NNT: variants seen among roughly 807,000 people sequenced by gnomAD.
The protein encoded by NNT is NAD(P) transhydrogenase, mitochondrial.
In NNT, 50 loss-of-function variants were observed where a neutral mutation model predicts 104.8. That is an observed-to-expected ratio of 0.48 (90% CI 0.38 to 0.60). The LOEUF is 0.60. Ranked by LOEUF, NNT falls within the 20% of genes least tolerant of loss-of-function variation. The pLI is 0.00. For synonymous variants in NNT, 461 were observed against 490.4 expected (o/e 0.94, Z 0.79); for missense variants, 1,131 against 1,330.7 (o/e 0.85, Z 2.33).
intron 1 of NNT, among the ~76,000 whole-genome samples, chr5:43,608,458 G>A (rs562799343): frequency 4.4e-4 from 67 of 152,288 alleles, no homozygotes; most frequent in Non-Finnish European, 6.2e-4. Flanking sequence ...CATAGTTATG[G>A]CCACATCAGC....
chr5:43,685,660 T>G (rs1741950182), intron 19 of NNT, among the ~76,000 whole-genome samples: 1 of 152,180 alleles, frequency 6.6e-6, no homozygotes. Context: ...AGTTTATTGC[T>G]GAACTAGGTC....
In NNT at chr5:43,653,129, C is replaced by T. The variant is rs781483983; in HGVS notation, c.1975C>T (p.Leu659=). Residue 659 remains leucine, a synonymous_variant, in exon 14 of 22, where the codon CTG becomes TTG. Transcript: ENST00000344920. The part of the protein sequence containing the change: ...ALGMIGVAGG[L]AATLGVLKPG... ...GGGCATGATTGGGGTTGCTGGAGGA[C>T]TGGCAGCCACCCTCGGAGTCCTAAA... 3 of 1,614,142 alleles carry T rather than the reference C, an allele frequency of 1.9e-6. No individual in the cohort carries two copies. In the East Asian group the frequency reaches 6.7e-5, roughly 36 times the overall value.
chr5:43,649,300 C>A lies in NNT; in HGVS notation c.1598C>A (p.Ala533Glu). 6.2e-7 allele frequency: 1 copy of A among 1,614,054 alleles called. No homozygotes were observed. Among genetic ancestry groups the A allele is most frequent in the Non-Finnish European group, 8.5e-7 (1 of 1,179,952 alleles). ...TCACCACTGATGTCTGTGACAAATG[C>A]AATCTCAGGTTTGTTCCTCTCTTGT... Reference protein sequence around the residue: ...LHSPLMSVTNAISGLTAVGGL... With the variant: ...LHSPLMSVTNEISGLTAVGGL... Residue 533 changes from alanine to glutamate, a missense_variant, in exon 11 of 22, where the codon GCA (alanine) becomes GAA (glutamate). By Grantham distance (107) the Ala-to-Glu change is moderately radical (BLOSUM62 -1). Coordinates refer to ENST00000344920, the MANE Select transcript of NNT (RefSeq NM_182977.3).
chr5:43,647,841 T>C (rs950781080), intron 10 of NNT: 11 of 452,974 alleles, frequency 2.4e-5, no homozygotes, highest in Non-Finnish European at 4.9e-5. Context: ...CTCCTAGGCA[T>C]TGTGCTAAAT....
chr5:43,623,916 T>G, intron 5 of NNT, 116 bp from the exon 6 acceptor site: 1 of 919,116 alleles, frequency 1.1e-6, no homozygotes, highest in Admixed American at 1.7e-5. Context: ...ATTATCACCA[T>G]CTGCACCGCC....
rs1310132921 is a variant in NNT at position 43,697,371 on chromosome 5, G to T, written c.2877-2748G>T. ...AGACCACCTCAGCCTGGATTTCATT[G>T]TCCATAACGTTATCAGCATTTTGAT... On this transcript the variant is annotated intron_variant, in intron 19 of 21. Coordinates refer to ENST00000344920, the MANE Select transcript of NNT (RefSeq NM_182977.3). 2.6e-5 allele frequency among the ~76,000 whole-genome samples: 4 copies of T among 152,200 alleles called. No homozygotes were observed. The East Asian group carries it at 7.7e-4, about 29-fold the overall frequency.
intron 17 of NNT, among the ~76,000 whole-genome samples, chr5:43,673,950 G>C (rs186252123): frequency 2.2e-3 from 338 of 151,800 alleles, no homozygotes; most frequent in African/African-American, 7.8e-3. Flanking sequence ...AACCCAGGAG[G>C]CGGAGGTTGC....
At chr5:43,700,276 A>G (rs982835719) in intron 20 of NNT, 39 bp downstream of exon 20, 10 of 1,440,504 alleles carry the variant, frequency 6.9e-6, no homozygotes, top group East Asian at 2.3e-5. Flanking sequence ...AAATATTCTT[A>G]CTATGAATAA....
At chr5:43,626,632 T>A (rs756302099) in intron 6 of NNT, among the ~76,000 whole-genome samples, 1 of 151,970 alleles carries the variant, frequency 6.6e-6, no homozygotes, top group Non-Finnish European at 1.5e-5. Flanking sequence ...TATTCATTAT[T>A]GAAAAATAGA....
intron 17 of NNT, among the ~76,000 whole-genome samples, chr5:43,663,153 G>T (rs1309274754): frequency 6.6e-6 from 1 of 151,940 alleles, no homozygotes; most frequent in Non-Finnish European, 1.5e-5. Context: ...ATAGCAAACA[G>T]ATATTACCAT....
At chr5:43,625,207 A>G (rs1279797389) in intron 6 of NNT, among the ~76,000 whole-genome samples, 1 of 151,996 alleles carries the variant, frequency 6.6e-6, no homozygotes. Flanking sequence ...GGACAGTAGT[A>G]TTAAAATGGA....
At chr5:43,666,461 G>A (rs899927462) in intron 17 of NNT, among the ~76,000 whole-genome samples, 1 of 152,128 alleles carries the variant, frequency 6.6e-6, no homozygotes, top group East Asian at 1.9e-4. Flanking sequence ...GCGTGGCAGC[G>A]CGCGCCTGCA....
chr5:43,603,074 C>G (rs1026135044), upstream of NNT: 1 of 143,750 alleles, frequency 7.0e-6, no homozygotes, highest in African/African-American at 2.5e-5. Context: ...GCGCGGCGAT[C>G]GGGTGGAGGG....
chr5:43,627,656 T>C (rs1750440830), intron 6 of NNT, among the ~76,000 whole-genome samples: 1 of 152,208 alleles, frequency 6.6e-6, no homozygotes, highest in East Asian at 1.9e-4. Context: ...TTAAATGTGT[T>C]GGCTTTTCAT....
At chr5:43,699,212 G>C (rs899376547) in intron 19 of NNT, among the ~76,000 whole-genome samples, 1 of 147,032 alleles carries the variant, frequency 6.8e-6, no homozygotes, top group Non-Finnish European at 1.5e-5. Context: ...AGCTCTGCTT[G>C]TGTATTACCC....
At chr5:43,617,350 G>T (rs912192658) in intron 4 of NNT, among the ~76,000 whole-genome samples, 2 of 152,184 alleles carry the variant, frequency 1.3e-5, no homozygotes, top group African/African-American at 2.4e-5. Context: ...AGTATGGCAG[G>T]ATTGTGCAGA....
intron 1 of NNT, among the ~76,000 whole-genome samples, chr5:43,605,520 CTCAAAAA>C: frequency 2.8e-5 from 1 of 35,524 alleles, no homozygotes. Flanking sequence ...GAGACTCCGT[CTCAAAAA>C]AAAAAAAAAA....
chr5:43,666,938 T>A, intron 17 of NNT: 4 of 1,585,968 alleles, frequency 2.5e-6, no homozygotes, highest in Non-Finnish European at 3.4e-6. Flanking sequence ...GGGTGGGCAA[T>A]GTAGGCAAGT....
intron 19 of NNT, 61 bp from the exon 20 acceptor site, chr5:43,700,058 G>C: frequency 7.9e-7 from 1 of 1,269,604 alleles, no homozygotes; most frequent in East Asian, 2.4e-5. Context: ...AGGTGATATT[G>C]GGGTCTCTGT....
Sources: gnomAD v4.1 joint callset for allele counts (sites outside exome capture counted in the v4.1 genomes callset) on GRCh38, gnomAD v4.1.1 for gene constraint, MANE v1.5 for transcripts, NCBI Gene and HGNC (gene_info 2026-07-23, HGNC 2026-07-21) for gene names.